Variants in LARP1 observed in about 807,000 individuals in gnomAD.
The protein encoded by LARP1 is la-related protein 1.
A neutral mutation model predicts 122.7 loss-of-function variants in LARP1; 36 were observed. The ratio of observed to expected loss-of-function variants is 0.29; its 90% CI spans 0.22 to 0.39. LARP1 has a LOEUF of 0.39. Ranked by LOEUF, LARP1 falls within the 10% of genes least tolerant of loss-of-function variation. The pLI is 1.00. For missense variants in LARP1, 1,040 were observed against 1,403.6 expected (o/e 0.74, Z 4.14); for synonymous variants, 539 against 528.7 (o/e 1.02, Z -0.27).
intron 1 of LARP1, among the ~76,000 whole-genome samples, chr5:154,764,959 G>A (rs924407262): frequency 6.6e-6 from 1 of 151,414 alleles, no homozygotes; most frequent in Admixed American, 6.6e-5. Flanking sequence ...CTAAATGCTT[G>A]TACCGCCTCG....
chr5:154,774,049 A>ATTT (rs543076767), intron 1 of LARP1, among the ~76,000 whole-genome samples: 1 of 142,846 alleles, frequency 7.0e-6, no homozygotes, highest in African/African-American at 2.6e-5. Flanking sequence ...GCCTGGCTTC[A>ATTT]TTTTTTTTTT....
intron 1 of LARP1, among the ~76,000 whole-genome samples, chr5:154,688,241 G>A (rs867828634): frequency 6.6e-6 from 1 of 152,128 alleles, no homozygotes; most frequent in Admixed American, 6.5e-5. Flanking sequence ...GGGAGGGGGT[G>A]TGCTGTGCTG....
chr5:154,703,079 C>A (rs534202430), intron 1 of LARP1, among the ~76,000 whole-genome samples: 2 of 142,906 alleles, frequency 1.4e-5, no homozygotes, highest in Non-Finnish European at 3.0e-5. Flanking sequence ...CAAGATCGCA[C>A]CACTGCACTC....
chr5:154,706,728 GA>G (rs1335848584), intron 1 of LARP1, among the ~76,000 whole-genome samples: 271 of 128,744 alleles, frequency 2.1e-3, no homozygotes, highest in African/African-American at 6.7e-3. Flanking sequence ...TGGAAAGTTG[GA>G]AAAAAAAAAA....
At chr5:154,761,732 T>C (rs1039654284) in intron 1 of LARP1, among the ~76,000 whole-genome samples, 7 of 152,162 alleles carry the variant, frequency 4.6e-5, no homozygotes, top group African/African-American at 1.7e-4. Flanking sequence ...GGTACCTCGC[T>C]GGTGAAAACA....
At chr5:154,691,798 GTTC>G (rs869074434) in intron 1 of LARP1, among the ~76,000 whole-genome samples, 160 of 138,936 alleles carry the variant, frequency 1.2e-3, no homozygotes, top group Middle Eastern at 3.6e-3. Context: ...CACCCTTTTC[GTTC>G]TTTTTTTTTT....
At position 154,795,320 on chromosome 5, in the gene LARP1, G is replaced by A; in HGVS notation, c.1377+1G>A. On this transcript the variant is annotated splice_donor_variant, in intron 8 of 18. Coordinates refer to ENST00000518297, the MANE Select transcript of LARP1 (RefSeq NM_033551.3). LOFTEE classifies it high-confidence loss of function. The stretch of plus-strand genomic sequence containing the variant: ...CACTGACATTTCACTCATCTTTGCG[G>A]TATGTCTTCCTCCCTGGAGCTGGGA... 6.2e-7 allele frequency: 1 copy of A among 1,613,608 alleles called. No individual in the cohort carries two copies. The highest frequency in any genetic ancestry group is 8.5e-7 in the Non-Finnish European group (1 of 1,179,742).
intron 1 of LARP1, among the ~76,000 whole-genome samples, chr5:154,697,824 G>GT (rs991485937): frequency 6.6e-6 from 1 of 151,990 alleles, no homozygotes; most frequent in Non-Finnish European, 1.5e-5. Flanking sequence ...TTTTTTGTTT[G>GT]TTGTTGTTGT....
intron 1 of LARP1, among the ~76,000 whole-genome samples, chr5:154,727,700 A>G (rs1038728505): frequency 6.6e-6 from 1 of 152,226 alleles, no homozygotes; most frequent in African/African-American, 2.4e-5. Context: ...GCAAGATTTA[A>G]TTATTCCACA....
intron 1 of LARP1, among the ~76,000 whole-genome samples, chr5:154,759,262 A>T (rs1380822277): frequency 6.7e-6 from 1 of 148,272 alleles, no homozygotes; most frequent in Non-Finnish European, 1.5e-5. Flanking sequence ...ATTGTTACTT[A>T]CTCTGGGTCT....
chr5:154,793,690 A>G lies in LARP1; in HGVS notation c.835A>G (p.Arg279Gly), dbSNP rs1431853115. The G allele has an allele frequency of 6.2e-7, 1 of 1,614,166 alleles. No homozygotes were observed. Among genetic ancestry groups the G allele is most frequent in the East Asian group, 2.2e-5 (1 of 44,886 alleles). Reference protein sequence around the residue: ...ASRPTRPPEPRHIPANRGEIK... With the variant: ...ASRPTRPPEPGHIPANRGEIK... Reference sequence around the variant, plus strand: ...ACGCCCCACTCGCCCACCGGAGCCTAGACACATACCTGCCAATCGCGGAGA... The same window carrying G: ...ACGCCCCACTCGCCCACCGGAGCCTGGACACATACCTGCCAATCGCGGAGA... The change falls in exon 5 of 19, where the codon AGA becomes GGA. Residue 279 changes from arginine to glycine, a missense_variant. Physicochemically the swap from Arg to Gly is moderately radical, Grantham distance 125. Around this residue, in one of 8 missense-constraint regions of LARP1, gnomAD observed 178 missense variants for 178.3 expected, o/e 1.00. Transcript: ENST00000518297.
At chr5:154,800,115 G>T (rs552411286) in intron 10 of LARP1, 73 bp downstream of exon 10, 2 of 1,379,688 alleles carry the variant, frequency 1.4e-6, no homozygotes, top group South Asian at 2.6e-5. Context: ...TAACACATGG[G>T]CACAGCACTC....
At chr5:154,712,798 A>G, upstream of LARP1, 1 of 764,952 alleles carries the variant, frequency 1.3e-6, no homozygotes, top group South Asian at 1.7e-5. Context: ...AAAGGCACCC[A>G]GCGTCTGGAA....
At chr5:154,778,499 A>G (rs1332375600) in intron 1 of LARP1, among the ~76,000 whole-genome samples, 4 of 152,198 alleles carry the variant, frequency 2.6e-5, no homozygotes, top group Non-Finnish European at 5.9e-5. Flanking sequence ...AGCTCCTCAC[A>G]TGATAATTCG....
At chr5:154,723,845 A>G (rs1756036497) in intron 1 of LARP1, among the ~76,000 whole-genome samples, 1 of 152,148 alleles carries the variant, frequency 6.6e-6, no homozygotes, top group African/African-American at 2.4e-5. Flanking sequence ...ACAAGTGGGG[A>G]GAGAGATGGG....
rs1757264982 is a variant in LARP1 at position 154,790,637 on chromosome 5, C to G, written c.499-8C>G. The G allele has an allele frequency of 4.3e-6, 7 of 1,614,022 alleles. No homozygotes were observed. The highest frequency in any genetic ancestry group is 5.9e-6 in the Non-Finnish European group (7 of 1,179,932). On this transcript the variant is annotated splice_polypyrimidine_tract_variant and splice_region_variant and intron_variant, in intron 2 of 18. Coordinates refer to ENST00000518297, the MANE Select transcript of LARP1 (RefSeq NM_033551.3). ...TCCTGGGGCCCTCATAGTGTATGTT[C>G]CCTGCAGGTTGGTGACTTTGGAGAT...
Position 154,755,791 on chromosome 5 carries a change from G to T in LARP1, c.34G>T (p.Gly12Cys). The T allele has an allele frequency of 1.0e-6, 1 of 989,550 alleles. No homozygotes were observed. 61.3% of individuals were successfully genotyped at this position (989,550 alleles called of 1,614,324 possible). The stretch of plus-strand genomic sequence containing the variant: ...TCAGGTGGAGCCGCTGCTGCCTGGG[G>T]GCGCCACGCTCTTGCAGGCCGAAGA... ...ATQVEPLLPG[G>C]ATLLQAEEHG... The change falls in exon 1 of 19, where the codon GGC becomes TGC. Residue 12 changes from glycine (G) to cysteine (C), a missense_variant. By Grantham distance (159) the Gly-to-Cys change is radical. Transcript: ENST00000518297.
chr5:154,683,504 G>A (rs1255142440), intron 1 of LARP1, among the ~76,000 whole-genome samples: 1 of 152,184 alleles, frequency 6.6e-6, no homozygotes, highest in Non-Finnish European at 1.5e-5. Flanking sequence ...ATACCTTTGT[G>A]TAGTCAGGGC....
upstream of LARP1, among the ~76,000 whole-genome samples, chr5:154,711,661 A>G (rs1448954354): frequency 1.3e-5 from 2 of 152,198 alleles, no homozygotes; most frequent in Non-Finnish European, 2.9e-5. Context: ...GGCAAGTTGA[A>G]TCATCTTTCT....
Sources: gnomAD v4.1 joint callset for allele counts (sites outside exome capture counted in the v4.1 genomes callset) on GRCh38, gnomAD v4.1.1 for gene constraint, gnomAD v4.1.1 regional missense constraint, MANE v1.5 for transcripts, NCBI Gene and HGNC (gene_info 2026-07-23, HGNC 2026-07-21) for gene names.